Variants in HMCN2 observed in about 807,000 individuals in gnomAD.
The protein encoded by HMCN2 is hemicentin-2.
HMCN2 carries 325 observed loss-of-function variants against 377.5 expected under a neutral mutation model. That is an observed-to-expected ratio of 0.86 (90% CI 0.79 to 0.94). The LOEUF is 0.94. Ranked by LOEUF, HMCN2 falls within the 40% of genes least tolerant of loss-of-function variation. The probability of loss-of-function intolerance (pLI) is 0.00; values close to 1 mark genes in which losing one functional copy is unlikely to be tolerated. For missense variants in HMCN2, 4,543 were observed against 4,725.3 expected, an observed-to-expected ratio of 0.96 and a Z score of 1.13; for synonymous variants, 2,007 against 2,046.8, an observed-to-expected ratio of 0.98 and a Z score of 0.53.
intron 5 of HMCN2, 110 bp from the exon 6 acceptor site, chr9:130,295,556 G>A (rs1836082339): frequency 2.9e-6 from 1 of 348,436 alleles, no homozygotes; most frequent in Non-Finnish European, 5.8e-6. Flanking sequence ...TGTCACTTCC[G>A]GGAAGACTGA....
intron 1 of HMCN2, among the ~76,000 whole-genome samples, chr9:130,277,685 C>T (rs1397166267): frequency 3.3e-5 from 5 of 150,602 alleles, no homozygotes; most frequent in African/African-American, 1.2e-4. Context: ...ACTATTACCA[C>T]CATCATCATC....
At chr9:130,287,971 A>G (rs1409504785) in intron 4 of HMCN2, among the ~76,000 whole-genome samples, 1 of 152,174 alleles carries the variant, frequency 6.6e-6, no homozygotes, top group East Asian at 1.9e-4. Context: ...CTGTTGACAG[A>G]TGGCGTTTAT....
At position 130,391,131 on chromosome 9, in the gene HMCN2, G is replaced by A. The variant is rs921430994; in HGVS notation, c.9667+11G>A. ...TGGTAGCAGTGCTGGGTAGGTCTGCGCCTGCACCCTCCTGTCCCACTCCCA... is the reference window on the plus strand; with the variant it reads ...TGGTAGCAGTGCTGGGTAGGTCTGCACCTGCACCCTCCTGTCCCACTCCCA... On this transcript the variant is annotated intron_variant, in intron 63 of 97. Coordinates refer to ENST00000683500, the MANE Select transcript of HMCN2 (RefSeq NM_001291815.2). 5.5e-5 allele frequency: 54 copies of A among 987,774 alleles called. No individual in the cohort carries two copies. The highest frequency in any genetic ancestry group is 1.8e-4 in the Admixed American group (3 of 16,282). The allele number at this position is 987,774 out of a possible 1,614,324, so 61.2% of individuals were successfully genotyped here.
At chr9:130,409,035 A>T (rs183324762) in intron 84 of HMCN2, 102 bp downstream of exon 84, 1 of 782,806 alleles carries the variant, frequency 1.3e-6, no homozygotes, top group East Asian at 6.5e-5. Context: ...CTGCTTCTGC[A>T]GTGTACAAAG....
At chr9:130,266,738 C>T (rs1286080992) in intron 1 of HMCN2, among the ~76,000 whole-genome samples, 1 of 152,232 alleles carries the variant, frequency 6.6e-6, no homozygotes, top group Non-Finnish European at 1.5e-5. Context: ...GTGGCCTCCA[C>T]CTGCTGTGTT....
chr9:130,398,572 G>T lies in HMCN2; in HGVS notation c.11348G>T (p.Ser3783Ile). ...CCAGAGCCTCCAGCCATCGCCCCCA[G>T]CCCCTCCAACCTGACCCTGACCGCC... is the stretch of plus-strand genomic sequence containing the variant. ...RVLEPPAIAP[S>I]PSNLTLTAHT... The change falls in exon 75 of 98, where the codon AGC becomes ATC. Residue 3783 changes from serine (S) to isoleucine (I), a missense_variant. This residue lies in a region of HMCN2 where 1,073 missense variants were observed against 1,319.5 expected (regional missense o/e 0.81). Transcript: ENST00000683500. 1 of 1,262,292 alleles carries T rather than the reference G, an allele frequency of 7.9e-7. No homozygotes were observed. Among genetic ancestry groups the T allele is most frequent in the Admixed American group, 2.4e-5 (1 of 41,870 alleles). The allele number at this position is 1,262,292 out of a possible 1,614,324, so 78.2% of individuals were successfully genotyped here.
chr9:130,355,004 T>C lies in HMCN2; in HGVS notation c.5106T>C (p.Pro1702=). The C allele has an allele frequency of 7.7e-7, 1 of 1,294,334 alleles. No individual in the cohort carries two copies. The highest frequency in any genetic ancestry group is 1.0e-6 in the Non-Finnish European group (1 of 988,376). The allele number at this position is 1,294,334 out of a possible 1,614,324, so 80.2% of individuals were successfully genotyped here. A position where few individuals can be genotyped will look rare whatever the true frequency, so the allele number is the denominator to read the frequency against. ...TGTACAGCTGTGTGGCCAGCAGTCC[T>C]GCCGGGGAAGCCGTCCTGCAGTACT... ...SGLYSCVASS[P]AGEAVLQYSV... Residue 1702 remains proline, a synonymous_variant, in exon 32 of 98, where the codon CCT becomes CCC. Transcript: ENST00000683500.
chr9:130,273,664 A>G (rs368623556), intron 1 of HMCN2, among the ~76,000 whole-genome samples: 2 of 152,212 alleles, frequency 1.3e-5, no homozygotes, highest in African/African-American at 4.8e-5. Flanking sequence ...TGCCCAGCTA[A>G]TTTTCGTATC....
At chr9:130,363,648 C>T (rs527839392) in intron 40 of HMCN2, among the ~76,000 whole-genome samples, 1 of 151,870 alleles carries the variant, frequency 6.6e-6, no homozygotes, top group East Asian at 1.9e-4. Flanking sequence ...GCAGTGAAAC[C>T]CCGTCTCTAC....
chr9:130,378,230 C>T (rs868211286), intron 53 of HMCN2, among the ~76,000 whole-genome samples: 6 of 150,426 alleles, frequency 4.0e-5, no homozygotes, highest in African/African-American at 4.9e-5. Context: ...CAGTGTTTGA[C>T]GTTTTCCTTT....
At chr9:130,403,033 G>T in intron 78 of HMCN2, 137 bp downstream of exon 78, 3 of 1,011,542 alleles carry the variant, frequency 3.0e-6, no homozygotes, top group Non-Finnish European at 3.9e-6. Context: ...GGATTCTTTG[G>T]CAGGAAAAGA....
intron 25 of HMCN2, among the ~76,000 whole-genome samples, chr9:130,343,533 G>A (rs985159874): frequency 4.2e-5 from 6 of 143,118 alleles, no homozygotes; most frequent in African/African-American, 1.2e-4. Flanking sequence ...CTGGCCCCCC[G>A]ACCCTCCCCG....
At chr9:130,368,737 G>GGA (rs982746180) in intron 44 of HMCN2, among the ~76,000 whole-genome samples, 2 of 151,450 alleles carry the variant, frequency 1.3e-5, no homozygotes, top group Admixed American at 6.6e-5. Context: ...CATGTCGGCA[G>GGA]GAGAGAGAGA....
chr9:130,319,011 G>A (rs1357356540), intron 15 of HMCN2, among the ~76,000 whole-genome samples: 2 of 152,144 alleles, frequency 1.3e-5, no homozygotes, highest in African/African-American at 4.8e-5. Context: ...GCCTGGCTTA[G>A]GCCAGGGGCT....
rs543898604 is a variant in HMCN2, at chr9:130,306,098, C to T, written c.1817-31C>T. Reference sequence around the variant, plus strand: ...GATGGCACGGCTGCTCTGATGGGCTCATCCTCGCCTATCCACTTTTTGGGT... The same window carrying T: ...GATGGCACGGCTGCTCTGATGGGCTTATCCTCGCCTATCCACTTTTTGGGT... On this transcript the variant is annotated intron_variant, in intron 11 of 97. Coordinates refer to ENST00000683500, the MANE Select transcript of HMCN2 (RefSeq NM_001291815.2). 625 of 470,234 alleles carry T rather than the reference C, an allele frequency of 1.3e-3. 3 individuals are homozygous for T. The highest frequency in any genetic ancestry group is 1.2e-3 in the Non-Finnish European group (269 of 226,382). 29.1% of individuals were successfully genotyped at this position (470,234 alleles called of 1,614,324 possible). A position where few individuals can be genotyped will look rare whatever the true frequency, so the allele number is the denominator to read the frequency against.
intron 22 of HMCN2, among the ~76,000 whole-genome samples, chr9:130,328,181 G>A (rs1838246988): frequency 6.6e-6 from 1 of 152,144 alleles, no homozygotes; most frequent in Non-Finnish European, 1.5e-5. Flanking sequence ...CAGAACATCT[G>A]TTTGGTGAGT....
intron 29 of HMCN2, among the ~76,000 whole-genome samples, chr9:130,350,022 TC>T (rs974447094): frequency 6.7e-6 from 1 of 149,206 alleles, no homozygotes; most frequent in Non-Finnish European, 1.5e-5. Flanking sequence ...TCATCCCACT[TC>T]AGCCTCCTAA....
At chr9:130,412,098 A>G (rs1843453701) in intron 85 of HMCN2, among the ~76,000 whole-genome samples, 1 of 152,086 alleles carries the variant, frequency 6.6e-6, no homozygotes, top group South Asian at 2.1e-4. Flanking sequence ...CAGCCTCCTG[A>G]GTGGCTGGGA....
Position 130,352,939 on chromosome 9 carries a change from T to C in HMCN2, c.4598T>C (p.Ile1533Thr). The C allele has an allele frequency of 1.6e-6, 2 of 1,288,486 alleles. No homozygotes were observed. The highest frequency in any genetic ancestry group is 1.0e-6 in the Non-Finnish European group (1 of 980,112). 79.8% of individuals were successfully genotyped at this position (1,288,486 alleles called of 1,614,324 possible). A position where few individuals can be genotyped will look rare whatever the true frequency, so the allele number is the denominator to read the frequency against. Residue 1533 changes from isoleucine (I) to threonine (T), a missense_variant, in exon 31 of 98, where the codon ATC becomes ACC. Transcript: ENST00000683500. Reference protein sequence around the residue: ...FQLRVHAPPTIWGSNETGEVA... With the variant: ...FQLRVHAPPTTWGSNETGEVA... ...CTTTCCTTCTCAGCGCCCCCCACTA[T>C]CTGGGGCTCCAACGAGACAGGCGAG...
Sources: allele counts gnomAD v4.1 joint callset (sites outside exome capture counted in the v4.1 genomes callset), GRCh38; gene constraint gnomAD v4.1.1; regional missense constraint gnomAD v4.1.1; transcripts MANE v1.5; gene names NCBI Gene and HGNC (gene_info 2026-07-23, HGNC 2026-07-21).